Variants in BANP observed in about 807,000 individuals in gnomAD.
The protein encoded by BANP is protein BANP.
In BANP, 11 loss-of-function variants were observed where a neutral mutation model predicts 68.1. That is an observed-to-expected ratio of 0.16 (90% CI 0.10 to 0.27). The LOEUF (loss-of-function observed/expected upper bound fraction) is 0.27, where lower values mean the gene tolerates loss of function less well. BANP is among the 10% of genes least tolerant of loss of function. BANP has a pLI of 1.00. For synonymous variants in BANP, 329 were observed against 303.2 expected (o/e 1.09, Z -0.88); for missense variants, 504 against 722.7 (o/e 0.70, Z 3.47).
intron 1 of BANP, among the ~76,000 whole-genome samples, chr16:87,964,554 G>T (rs1273278273): frequency 2.0e-5 from 3 of 152,194 alleles, no homozygotes; most frequent in Admixed American, 2.0e-4. Context: ...GCGTGGCGGG[G>T]AGGAGAGCCC....
At chr16:87,984,931 G>A (rs764280271) in intron 4 of BANP, among the ~76,000 whole-genome samples, 9 of 152,242 alleles carry the variant, frequency 5.9e-5, no homozygotes, top group South Asian at 2.1e-4. Flanking sequence ...TGTGCTTGAC[G>A]AGGGGCCTTT....
At chr16:88,001,913 TA>T (rs60603837) in intron 4 of BANP, among the ~76,000 whole-genome samples, 143,939 of 145,830 alleles carry the variant, frequency 0.99, 71,039 homozygotes, top group South Asian at 1. Flanking sequence ...CCCTAAGTGC[TA>T]AAAAAAAACA....
intron 9 of BANP, among the ~76,000 whole-genome samples, chr16:88,034,816 C>T (rs1598690935): frequency 1.3e-5 from 2 of 152,312 alleles, no homozygotes; most frequent in Admixed American, 6.5e-5. Context: ...ACAGCAGCCC[C>T]CCCTTACCCA....
chr16:88,017,883 T>C (rs572948548), intron 6 of BANP, among the ~76,000 whole-genome samples: 17 of 152,304 alleles, frequency 1.1e-4, no homozygotes, highest in African/African-American at 3.8e-4. Flanking sequence ...AATGCTGGCG[T>C]CAAGGGCATG....
chr16:88,052,496 GAACTC>G (rs1156414698), intron 11 of BANP, among the ~76,000 whole-genome samples: 1 of 151,374 alleles, frequency 6.6e-6, no homozygotes, highest in African/African-American at 2.4e-5. Context: ...GATACATCCA[GAACTC>G]AACTCTCATG....
At chr16:87,970,323 G>T (rs1446804313) in intron 1 of BANP, among the ~76,000 whole-genome samples, 2 of 152,210 alleles carry the variant, frequency 1.3e-5, no homozygotes, top group African/African-American at 4.8e-5. Context: ...TTCGGTAGGG[G>T]AGCCTCCCAC....
In BANP at chr16:88,037,931, G is replaced by A. The variant is rs2079772077; in HGVS notation, c.1273-42G>A. 3.1e-6 allele frequency: 5 copies of A among 1,595,510 alleles called. No homozygotes were observed. In the South Asian group the frequency reaches 3.3e-5, roughly 11 times the overall value. On this transcript the variant is annotated intron_variant, in intron 10 of 13. Coordinates refer to ENST00000682872, the MANE Select transcript of BANP (RefSeq NM_001386991.1). ...TTGCCGTGTCTGAGGGTGTCTTGGT[G>A]TGTTTCTACTCATGACCGTCTCCTC...
chr16:87,999,254 A>G (rs1756043868), intron 4 of BANP, among the ~76,000 whole-genome samples: 3 of 125,132 alleles, frequency 2.4e-5, no homozygotes, highest in African/African-American at 6.2e-5. Flanking sequence ...GGCTGTACTT[A>G]CCTGTCCTTC....
At chr16:88,014,181 G>C (rs1598431259) in intron 6 of BANP, among the ~76,000 whole-genome samples, 1 of 152,336 alleles carries the variant, frequency 6.6e-6, no homozygotes, top group Non-Finnish European at 1.5e-5. Context: ...TGTGGAGGGA[G>C]GGCTCATTGT....
intron 4 of BANP, among the ~76,000 whole-genome samples, chr16:87,996,165 T>C (rs1276971348): frequency 4.6e-5 from 7 of 152,128 alleles, no homozygotes; most frequent in African/African-American, 7.2e-5. Flanking sequence ...CCGACGGCGG[T>C]GTCTGGAGTC....
intron 4 of BANP, among the ~76,000 whole-genome samples, chr16:87,995,755 C>T (rs1381856034): frequency 2.0e-5 from 3 of 152,210 alleles, no homozygotes; most frequent in Non-Finnish European, 2.9e-5. Flanking sequence ...GATACTGTGG[C>T]GTGAATGGGA....
At chr16:87,979,009 C>T (rs2145954036) in intron 2 of BANP, among the ~76,000 whole-genome samples, 1 of 152,280 alleles carries the variant, frequency 6.6e-6, no homozygotes, top group South Asian at 2.1e-4. Context: ...CGACAGTGGT[C>T]CTTGGCTTTG....
intron 11 of BANP, among the ~76,000 whole-genome samples, chr16:88,055,850 G>T (rs570446039): frequency 3.3e-5 from 5 of 152,152 alleles, no homozygotes; most frequent in African/African-American, 9.6e-5. Context: ...AGAAATCTTG[G>T]AGACTCTCAG....
intron 2 of BANP, among the ~76,000 whole-genome samples, chr16:87,976,167 T>C (rs1280578476): frequency 2.0e-5 from 3 of 152,246 alleles, no homozygotes; most frequent in Non-Finnish European, 4.4e-5. Flanking sequence ...CTTGCATATA[T>C]ATCTTGGCAA....
intron 8 of BANP, among the ~76,000 whole-genome samples, chr16:88,031,993 C>T (rs1368325221): frequency 2.0e-5 from 3 of 152,030 alleles, no homozygotes; most frequent in Admixed American, 6.6e-5. Flanking sequence ...TTAGTAGAGA[C>T]GGGGTTCACC....
At chr16:88,006,472 C>T (rs1598371297) in intron 6 of BANP, among the ~76,000 whole-genome samples, 1 of 150,476 alleles carries the variant, frequency 6.6e-6, no homozygotes, top group Non-Finnish European at 1.5e-5. Context: ...CATGGAGAAA[C>T]CCTGTCTCTA....
intron 11 of BANP, among the ~76,000 whole-genome samples, chr16:88,045,282 G>A (rs1357795080): frequency 6.6e-6 from 1 of 152,194 alleles, no homozygotes; most frequent in Non-Finnish European, 1.5e-5. Context: ...GTCATATGGT[G>A]GGCATGGGAC....
chr16:88,055,402 A>G lies in BANP; in HGVS notation c.1312-9865A>G, dbSNP rs761128973. 7.7e-4 allele frequency among the ~76,000 whole-genome samples: 117 copies of G among 152,314 alleles called. 1 individual carries two copies. The highest frequency in any genetic ancestry group is 1.3e-3 in the Non-Finnish European group (88 of 68,026). ...GGGCGTTCCCACTGTGCACCTGTGC[A>G]ATGACTTGACCAGGGTTCAGCTGAC... is the stretch of plus-strand genomic sequence containing the variant. On this transcript the variant is annotated intron_variant, in intron 11 of 13. Coordinates refer to ENST00000682872, the MANE Select transcript of BANP (RefSeq NM_001386991.1).
chr16:87,977,413 C>T lies in BANP; in HGVS notation c.70+2228C>T, dbSNP rs1423859630. ...CAGGCTGGGCGACAGAGCGAGACTC[C>T]GTCTCAAAAAAAAAAACAAAACCTA... On this transcript the variant is annotated intron_variant, in intron 2 of 13. Coordinates refer to ENST00000682872, the MANE Select transcript of BANP (RefSeq NM_001386991.1). Among the ~76,000 whole-genome samples, 7 of 126,246 alleles carry T rather than the reference C, an allele frequency of 5.5e-5. No homozygotes were observed. In the South Asian group the frequency reaches 1.6e-3, roughly 28 times the overall value. 82.8% of individuals were successfully genotyped at this position (126,246 alleles called of 152,430 possible).
Sources: gnomAD v4.1 joint callset for allele counts (sites outside exome capture counted in the v4.1 genomes callset) on GRCh38, gnomAD v4.1.1 for gene constraint, MANE v1.5 for transcripts, NCBI Gene and HGNC (gene_info 2026-07-23, HGNC 2026-07-21) for gene names.